EPB41L5: variants seen among roughly 807,000 people sequenced by gnomAD.
EPB41L5 encodes the protein erythrocyte membrane protein band 4.1 like 5, also known as band 4.1-like protein 5.
A neutral mutation model predicts 106.6 loss-of-function variants in EPB41L5; 55 were observed. The observed-to-expected ratio is 0.52, with a 90% CI of 0.42 to 0.65. The LOEUF (loss-of-function observed/expected upper bound fraction) is 0.65, where lower values mean the gene tolerates loss of function less well. Among genes scored for constraint, EPB41L5 ranks in the 30% least tolerant of loss-of-function variants. The pLI, the probability that EPB41L5 is intolerant of heterozygous loss-of-function variation, is 0.00. For synonymous variants in EPB41L5, 297 were observed against 306.7 expected (o/e 0.97, Z 0.33); for missense variants, 871 against 882.1 (o/e 0.99, Z 0.16).
chr2:120,051,637 C>T (rs551962981), intron 3 of EPB41L5, among the ~76,000 whole-genome samples: 278 of 152,310 alleles, frequency 1.8e-3, no homozygotes, highest in African/African-American at 6.2e-3. Flanking sequence ...TGACTCCTTG[C>T]GCTTCCCGGG....
chr2:120,039,565 C>T (rs903331908), intron 2 of EPB41L5, among the ~76,000 whole-genome samples: 1 of 152,090 alleles, frequency 6.6e-6, no homozygotes, highest in Non-Finnish European at 1.5e-5. Context: ...GTGGCTCACA[C>T]CTGTAATCCC....
At chr2:120,034,137 G>A (rs560687950) in intron 2 of EPB41L5, among the ~76,000 whole-genome samples, 3 of 152,254 alleles carry the variant, frequency 2.0e-5, no homozygotes, top group African/African-American at 4.8e-5. Flanking sequence ...ACCTATAAAT[G>A]TCTTGTGTTC....
At chr2:120,036,910 C>T (rs1392499356) in intron 2 of EPB41L5, among the ~76,000 whole-genome samples, 3 of 151,660 alleles carry the variant, frequency 2.0e-5, no homozygotes, top group Non-Finnish European at 4.4e-5. Flanking sequence ...TTCCTTTTTC[C>T]CCTAAGATCA....
Position 120,159,274 on chromosome 2 carries a change from AC to A in EPB41L5, c.1794-1606del, listed in dbSNP as rs369502655. On this transcript the variant is annotated intron_variant, in intron 20 of 24. Coordinates refer to ENST00000263713, the MANE Select transcript of EPB41L5 (RefSeq NM_020909.4). ...CCCGTCTCTACTAAAAAAAAAAAAA[AC>A]AGCCGGGTGTGGTGGCAGGTGCCTG... is the stretch of plus-strand genomic sequence containing the variant. Among the ~76,000 whole-genome samples, 302 of 146,328 alleles carry A rather than the reference AC, an allele frequency of 2.1e-3. 11 individuals carry two copies. The highest frequency in any genetic ancestry group is 2.3e-3 in the Admixed American group (33 of 14,598).
chr2:120,063,489 A>G (rs1681219734), intron 3 of EPB41L5, among the ~76,000 whole-genome samples: 1 of 152,132 alleles, frequency 6.6e-6, no homozygotes, highest in South Asian at 2.1e-4. Context: ...AAGTGAATAT[A>G]TAACCTACAT....
At chr2:120,115,496 C>G (rs1326092402) in intron 16 of EPB41L5, among the ~76,000 whole-genome samples, 2 of 152,274 alleles carry the variant, frequency 1.3e-5, no homozygotes, top group Middle Eastern at 6.8e-3. Context: ...CCTCCACCTC[C>G]TGCCTCAGCC....
At chr2:120,058,133 A>G (rs548788145) in intron 3 of EPB41L5, among the ~76,000 whole-genome samples, 24 of 152,208 alleles carry the variant, frequency 1.6e-4, no homozygotes, top group Admixed American at 3.9e-4. Flanking sequence ...TCATTTAAAA[A>G]AAAATCTTGC....
intron 2 of EPB41L5, among the ~76,000 whole-genome samples, chr2:120,034,172 A>G (rs1327239304): frequency 2.6e-5 from 4 of 152,218 alleles, no homozygotes; most frequent in Non-Finnish European, 5.9e-5. Context: ...TAGAACTAGC[A>G]TCTGTTAAGG....
intron 12 of EPB41L5, among the ~76,000 whole-genome samples, chr2:120,091,281 C>T (rs1025976437): frequency 6.6e-6 from 1 of 152,074 alleles, no homozygotes; most frequent in Non-Finnish European, 1.5e-5. Context: ...AGGGAGTTTC[C>T]ATAAAAGGAC....
intron 24 of EPB41L5, among the ~76,000 whole-genome samples, chr2:120,169,965 G>GAAAT (rs1025469914): frequency 1.3e-5 from 2 of 152,172 alleles, no homozygotes; most frequent in African/African-American, 4.8e-5. Flanking sequence ...AACCACATTG[G>GAAAT]AAATAGGTTT....
At chr2:120,142,113 T>TTAA (rs755241969) in intron 18 of EPB41L5, among the ~76,000 whole-genome samples, 8 of 143,188 alleles carry the variant, frequency 5.6e-5, no homozygotes, top group African/African-American at 2.1e-4. Context: ...CTTTCTTTTT[T>TTAA]AAAAAAAAAA....
chr2:120,156,541 G>A (rs373960890), intron 20 of EPB41L5, among the ~76,000 whole-genome samples: 22 of 152,220 alleles, frequency 1.4e-4, no homozygotes, highest in East Asian at 1.9e-4. Flanking sequence ...TGTCTCTCCC[G>A]TGTCCCATCA....
At chr2:120,111,509 G>C (rs1684728021) in intron 16 of EPB41L5, among the ~76,000 whole-genome samples, 1 of 152,156 alleles carries the variant, frequency 6.6e-6, no homozygotes, top group South Asian at 2.1e-4. Flanking sequence ...ACTGAAGTTT[G>C]AGAAGCACTG....
intron 24 of EPB41L5, among the ~76,000 whole-genome samples, chr2:120,169,699 TC>T (rs1687584411): frequency 6.6e-6 from 1 of 152,064 alleles, no homozygotes; most frequent in South Asian, 2.1e-4. Context: ...TATAAAGAGT[TC>T]CTCCAAATAA....
At chr2:120,064,524 A>G (rs1195378455) in intron 3 of EPB41L5, among the ~76,000 whole-genome samples, 1 of 152,144 alleles carries the variant, frequency 6.6e-6, no homozygotes. Context: ...TGGTTTACTT[A>G]TGGCTGTTAT....
Position 120,100,297 on chromosome 2 carries a change from A to G in EPB41L5, c.1221+11A>G, listed in dbSNP as rs1432890555. The G allele has an allele frequency of 6.2e-7, 1 of 1,611,974 alleles. No homozygotes were observed. The highest frequency in any genetic ancestry group is 8.5e-7 in the Non-Finnish European group (1 of 1,178,244). Reference sequence around the variant, plus strand: ...AATGGCTCCCAACAGGTAAGACAATACTAAGCTTCTAAAACACTGGATCAC... The same window carrying G: ...AATGGCTCCCAACAGGTAAGACAATGCTAAGCTTCTAAAACACTGGATCAC... On this transcript the variant is annotated intron_variant, in intron 15 of 24. Transcript: ENST00000263713.
At chr2:120,163,077 C>T (rs1687203558) in intron 21 of EPB41L5, among the ~76,000 whole-genome samples, 1 of 152,010 alleles carries the variant, frequency 6.6e-6, no homozygotes, top group African/African-American at 2.4e-5. Context: ...CATAGGGAGA[C>T]CCCGTCTCTA....
In EPB41L5 at chr2:120,167,910, T is replaced by C; in HGVS notation, c.2038T>C (p.Cys680Arg). ...SGAMSNGLAG[C>R]EMLLTGKEGH... The stretch of plus-strand genomic sequence containing the variant: ...TGCCATGTCTAATGGACTTGCGGGA[T>C]GTGAAATGCTTTTGACAGGGAAGGA... The change falls in exon 24 of 25, where the codon TGT (cysteine) becomes CGT (arginine). Residue 680 changes from cysteine to arginine, a missense_variant. Transcript: ENST00000263713. 1 of 1,614,160 alleles carries C rather than the reference T, an allele frequency of 6.2e-7. No homozygotes were observed. Among genetic ancestry groups the C allele is most frequent in the Non-Finnish European group, 8.5e-7 (1 of 1,180,004 alleles).
At chr2:120,058,616 AC>A (rs1226942089) in intron 3 of EPB41L5, among the ~76,000 whole-genome samples, 2 of 152,224 alleles carry the variant, frequency 1.3e-5, no homozygotes, top group Non-Finnish European at 2.9e-5. Flanking sequence ...TTTTACATTT[AC>A]CTGCAAAAGA....
Sources: allele counts gnomAD v4.1 joint callset (sites outside exome capture counted in the v4.1 genomes callset), GRCh38; gene constraint gnomAD v4.1.1; transcripts MANE v1.5; gene names NCBI Gene and HGNC (gene_info 2026-07-23, HGNC 2026-07-21).